The following TP53I13 variants were observed in gnomAD, a reference collection of about 807,000 sequenced individuals.
The protein encoded by TP53I13 is tumor protein p53-inducible protein 13.
In TP53I13, 27 loss-of-function variants were observed where a neutral mutation model predicts 39.1. That is an observed-to-expected ratio of 0.69 (90% CI 0.51 to 0.95). The LOEUF is 0.95. TP53I13 is among the 40% of genes least tolerant of loss of function. TP53I13 has a pLI of 0.00. For synonymous variants in TP53I13, 230 were observed against 224.6 expected, an observed-to-expected ratio of 1.02 and a Z score of -0.22; for missense variants, 544 against 520.4, an observed-to-expected ratio of 1.05 and a Z score of -0.44.
chr17:29,574,217 A>T (rs1004725302), downstream of TP53I13: 4 of 159,648 alleles, frequency 2.5e-5, no homozygotes, highest in African/African-American at 7.2e-5. Context: ...GCCATATGGC[A>T]TTAAAGGGAG....
chr17:29,570,052 C>A (rs977282628), intron 3 of TP53I13: 3 of 151,714 alleles, frequency 2.0e-5, no homozygotes, highest in African/African-American at 7.3e-5. Flanking sequence ...GGATTACAGG[C>A]GTGTGCCACC....
chr17:29,577,395 G>T, downstream of TP53I13: 1 of 708,604 alleles, frequency 1.4e-6, no homozygotes, highest in Non-Finnish European at 2.4e-6. Flanking sequence ...CTAGTCAGCA[G>T]CCAAGGCCAC....
chr17:29,569,794 C>T (rs985991974), intron 3 of TP53I13: 15 of 160,372 alleles, frequency 9.4e-5, no homozygotes, highest in African/African-American at 3.1e-4. Context: ...GCACCGTGTA[C>T]AGTACAGAGC....
downstream of TP53I13, chr17:29,575,989 A>T (rs889845490): frequency 1.7e-5 from 27 of 1,547,780 alleles, no homozygotes; most frequent in Non-Finnish European, 2.3e-5. This position sits in a 1 kb window ranked among gnomAD's most constrained non-coding sequence, Gnocchi z 5.5. Flanking sequence ...CAGTCTAATC[A>T]TCTTAAGCCC....
chr17:29,569,342 C>T lies in TP53I13; in HGVS notation c.166C>T (p.Arg56Ter). The change falls in exon 3 of 7, where the codon CGA becomes TGA. Residue 56 changes from arginine (R) to a stop codon, truncating the protein, a stop_gained. Transcript: ENST00000301057. LOFTEE classifies it high-confidence loss of function. ...GGTGTCACCAAGAGTGACCTACACA[C>T]GAGTGAGCCCAGGGCAGGTGAGTAC... ...PQVSPRVTYTRVSPGQAEDVT... is the reference protein window; with the variant it reads ...PQVSPRVTYT 1 of 1,613,902 alleles carries T rather than the reference C, an allele frequency of 6.2e-7. No homozygotes were observed. The highest frequency in any genetic ancestry group is 8.5e-7 in the Non-Finnish European group (1 of 1,179,908).
chr17:29,581,125 CGGGGCTCA>C, the TP53I13 span: 3 of 591,530 alleles, frequency 5.1e-6, no homozygotes, highest in Admixed American at 5.7e-5. The surrounding 1 kb of genome is among the most constrained non-coding windows in gnomAD (Gnocchi z 4.8). Flanking sequence ...TTGACAGTCA[CGGGGCTCA>C]GGCTATGCGG....
the TP53I13 span, among the ~76,000 whole-genome samples, chr17:29,580,304 G>A: frequency 1.3e-5 from 2 of 152,234 alleles, no homozygotes; most frequent in African/African-American, 4.8e-5. Context: ...AACCCAGGTA[G>A]AATCAGACCA....
downstream of TP53I13, chr17:29,574,826 G>T (rs969674531): frequency 6.2e-7 from 1 of 1,609,970 alleles, no homozygotes; most frequent in Admixed American, 1.7e-5. Context: ...GGGCTCTGGG[G>T]GCACTGTCTT....
At chr17:29,575,779 C>A, downstream of TP53I13, 1 of 1,605,520 alleles carries the variant, frequency 6.2e-7, no homozygotes. This position sits in a 1 kb window ranked among gnomAD's most constrained non-coding sequence, Gnocchi z 5.5. Context: ...CGGCCCCCAG[C>A]CACCCTGTGG....
downstream of TP53I13, chr17:29,574,595 G>A (rs756150649): frequency 7.2e-6 from 7 of 972,342 alleles, no homozygotes; most frequent in African/African-American, 1.1e-4. Flanking sequence ...CAGCACTAAG[G>A]GCACTTGTGC....
At chr17:29,578,943 C>T in the TP53I13 span, 18 of 1,612,754 alleles carry the variant, frequency 1.1e-5, no homozygotes, top group Non-Finnish European at 1.4e-5. Context: ...GGCCTGCTGC[C>T]CCGGCAGGCA....
downstream of TP53I13, chr17:29,574,125 AAAG>A (rs1412817544): frequency 2.0e-5 from 3 of 152,238 alleles, no homozygotes; most frequent in Non-Finnish European, 4.4e-5. Flanking sequence ...GGGGAAGAAG[AAAG>A]AAAAAAAAAA....
chr17:29,578,965 T>A, the TP53I13 span: 1 of 1,613,890 alleles, frequency 6.2e-7, no homozygotes, highest in Non-Finnish European at 8.5e-7. Flanking sequence ...CATATACCTC[T>A]GAGACATGCA....
At chr17:29,568,685 T>G (rs1193156261), upstream of TP53I13, 2 of 926,516 alleles carry the variant, frequency 2.2e-6, no homozygotes, top group Non-Finnish European at 2.6e-6. The surrounding 1 kb of genome is among the most constrained non-coding windows in gnomAD (Gnocchi z 4.5). Context: ...GCGCTGGGGC[T>G]GGAGGGGCGG....
upstream of TP53I13, chr17:29,567,046 G>A (rs1418327558): frequency 1.7e-6 from 2 of 1,163,892 alleles, no homozygotes; most frequent in East Asian, 7.5e-5. The surrounding 1 kb of genome is among the most constrained non-coding windows in gnomAD (Gnocchi z 6.6). Flanking sequence ...CCGCGGCTCC[G>A]CCCGCCGGCG....
chr17:29,568,312 G>C (rs990846663), upstream of TP53I13: 1 of 152,124 alleles, frequency 6.6e-6, no homozygotes, highest in African/African-American at 2.4e-5. This position sits in a 1 kb window ranked among gnomAD's most constrained non-coding sequence, Gnocchi z 4.5. Context: ...GTTTGCCAGG[G>C]GAGTGTACCC....
chr17:29,575,673 C>A, downstream of TP53I13: 1 of 1,612,778 alleles, frequency 6.2e-7, no homozygotes, highest in South Asian at 1.1e-5. The surrounding 1 kb of genome is among the most constrained non-coding windows in gnomAD (Gnocchi z 5.5). Flanking sequence ...TAGTCACTGT[C>A]GGCTCCACTG....
chr17:29,566,523 G>A (rs767713394), upstream of TP53I13: 3 of 1,610,362 alleles, frequency 1.9e-6, no homozygotes, highest in Middle Eastern at 1.7e-4. Context: ...TGGTGATCCG[G>A]CGGCCCCGAA....
downstream of TP53I13, chr17:29,577,056 A>G (rs2033235330): frequency 6.2e-7 from 1 of 1,607,170 alleles, no homozygotes; most frequent in African/African-American, 1.3e-5. Flanking sequence ...CTCTCAGGTC[A>G]CCACTGGCAG....
Sources: gnomAD v4.1 joint callset for allele counts (sites outside exome capture counted in the v4.1 genomes callset) on GRCh38, gnomAD v4.1.1 for gene constraint, Gnocchi (gnomAD v3.1) non-coding constraint, MANE v1.5 for transcripts, NCBI Gene and HGNC (gene_info 2026-07-23, HGNC 2026-07-21) for gene names.